SUGCT: variants seen among roughly 807,000 people sequenced by gnomAD.
SUGCT encodes the protein succinyl-CoA:glutarate CoA-transferase.
A neutral mutation model predicts 55.0 loss-of-function variants in SUGCT; 41 were observed. That is an observed-to-expected ratio of 0.74 (90% CI 0.58 to 0.97). SUGCT has a LOEUF of 0.97. SUGCT is among the 50% of genes least tolerant of loss of function. The probability of loss-of-function intolerance (pLI) is 0.00; values close to 1 mark genes in which losing one functional copy is unlikely to be tolerated. For missense variants in SUGCT, 568 were observed against 547.8 expected, an observed-to-expected ratio of 1.04 and a Z score of -0.37; for synonymous variants, 187 against 200.4, an observed-to-expected ratio of 0.93 and a Z score of 0.56.
rs115414235 is a variant in SUGCT at position 40,533,178 on chromosome 7, A to T, written c.1089+36792A>T. Among the ~76,000 whole-genome samples the T allele has an allele frequency of 3.8e-3, 584 of 152,288 alleles. 2 individuals are homozygous for T. The highest frequency in any genetic ancestry group is 0.013 in the African/African-American group (555 of 41,574). ...TAAAGGTGATACAATAATAAATAAA[A>T]TTTAATTATGTGTTGACCAATGAAA... On this transcript the variant is annotated intron_variant, in intron 12 of 13. Coordinates refer to ENST00000335693, the MANE Select transcript of SUGCT (RefSeq NM_001193313.2).
intron 9 of SUGCT, among the ~76,000 whole-genome samples, chr7:40,408,326 C>G (rs1786491995): frequency 6.6e-6 from 1 of 152,032 alleles, no homozygotes; most frequent in Non-Finnish European, 1.5e-5. Context: ...CATTTGAACA[C>G]TTTTGTTCCT....
intron 12 of SUGCT, among the ~76,000 whole-genome samples, chr7:40,675,806 A>T (rs747349085): frequency 3.3e-5 from 5 of 152,112 alleles, no homozygotes; most frequent in Non-Finnish European, 5.9e-5. Flanking sequence ...CTGCTGGGAG[A>T]TGGGGCTGGA....
intron 9 of SUGCT, among the ~76,000 whole-genome samples, chr7:40,358,056 A>T (rs1797964064): frequency 6.6e-6 from 1 of 152,262 alleles, no homozygotes; most frequent in Non-Finnish European, 1.5e-5. Context: ...ATAGATGCCC[A>T]ATAAGTAGTT....
intron 12 of SUGCT, among the ~76,000 whole-genome samples, chr7:40,619,445 TC>T (rs1276245848): frequency 1.3e-5 from 2 of 152,216 alleles, no homozygotes; most frequent in African/African-American, 2.4e-5. Context: ...TTTGTTTTTT[TC>T]CTTCATCTAG....
chr7:40,392,019 C>A (rs1295918521), intron 9 of SUGCT, among the ~76,000 whole-genome samples: 2 of 152,152 alleles, frequency 1.3e-5, no homozygotes, highest in Admixed American at 6.6e-5. Flanking sequence ...TCATTCTGAG[C>A]AAACTATTGC....
At chr7:40,565,836 A>G (rs1292871829) in intron 12 of SUGCT, among the ~76,000 whole-genome samples, 1 of 152,080 alleles carries the variant, frequency 6.6e-6, no homozygotes, top group Non-Finnish European at 1.5e-5. Flanking sequence ...TATTCTTTTT[A>G]CAGACATCCT....
At chr7:41,008,347 C>A in the SUGCT span, among the ~76,000 whole-genome samples, 9 of 152,234 alleles carry the variant, frequency 5.9e-5, no homozygotes, top group African/African-American at 2.2e-4. Context: ...CAGGTCTCCA[C>A]TCGGTGGAGC....
In SUGCT at chr7:40,459,218, T is replaced by A; in HGVS notation, c.986+20T>A. On this transcript the variant is annotated intron_variant, in intron 11 of 13. Transcript: ENST00000335693. ...TGAACGGTAAGTTTGGATGTTGTAT[T>A]CATCCATTTAAGAATTAATATGTGA... is the stretch of plus-strand genomic sequence containing the variant. 1 of 1,454,820 alleles carries A rather than the reference T, an allele frequency of 6.9e-7. No homozygotes were observed. The highest frequency in any genetic ancestry group is 9.6e-7 in the Non-Finnish European group (1 of 1,043,006). The allele number at this position is 1,454,820 out of a possible 1,614,324, so 90.1% of individuals were successfully genotyped here. A position where few individuals can be genotyped will look rare whatever the true frequency, so the allele number is the denominator to read the frequency against.
At chr7:40,471,344 A>T (rs959674438) in intron 11 of SUGCT, among the ~76,000 whole-genome samples, 2 of 151,524 alleles carry the variant, frequency 1.3e-5, no homozygotes, top group African/African-American at 4.8e-5. Flanking sequence ...CTAAATATAA[A>T]ATTAAAATAA....
chr7:40,295,859 A>G (rs1327535126), intron 8 of SUGCT, among the ~76,000 whole-genome samples: 1 of 152,098 alleles, frequency 6.6e-6, no homozygotes. Context: ...CTCCTCTACC[A>G]TATGCTTAAT....
intron 12 of SUGCT, among the ~76,000 whole-genome samples, chr7:40,715,468 C>T (rs1785971510): frequency 6.6e-6 from 1 of 152,148 alleles, no homozygotes; most frequent in Non-Finnish European, 1.5e-5. Context: ...CATGCTCCAT[C>T]CATCAGTTGC....
chr7:40,578,706 C>G (rs1796911877), intron 12 of SUGCT, among the ~76,000 whole-genome samples: 1 of 152,160 alleles, frequency 6.6e-6, no homozygotes, highest in Admixed American at 6.5e-5. Context: ...AGGCGATTCT[C>G]TTAGGCACTC....
At chr7:40,524,248 A>G (rs1204275722) in intron 12 of SUGCT, among the ~76,000 whole-genome samples, 1 of 152,160 alleles carries the variant, frequency 6.6e-6, no homozygotes, top group Non-Finnish European at 1.5e-5. Flanking sequence ...CTGGCTTAGT[A>G]AACTCATATT....
chr7:40,237,600 T>C (rs750917974), intron 6 of SUGCT, 35 bp from the exon 7 acceptor site: 2 of 1,523,522 alleles, frequency 1.3e-6, no homozygotes, highest in Admixed American at 3.3e-5. Flanking sequence ...GCACACCCTG[T>C]GTGGTGCTGA....
intron 13 of SUGCT, among the ~76,000 whole-genome samples, chr7:40,850,558 A>T (rs974441744): frequency 6.6e-6 from 1 of 152,178 alleles, no homozygotes; most frequent in Non-Finnish European, 1.5e-5. Context: ...TGTACTTATA[A>T]AGAGTGTGGC....
intron 10 of SUGCT, among the ~76,000 whole-genome samples, chr7:40,451,085 GT>G (rs1447191185): frequency 1.3e-5 from 2 of 152,154 alleles, no homozygotes; most frequent in Non-Finnish European, 2.9e-5. Context: ...AACGGTCAAT[GT>G]TAAAAATATG....
the SUGCT span, among the ~76,000 whole-genome samples, chr7:40,960,289 A>G: frequency 6.6e-6 from 1 of 152,212 alleles, no homozygotes; most frequent in African/African-American, 2.4e-5. Flanking sequence ...ATAGTGAAAC[A>G]ATGAGAGTTG....
chr7:41,009,634 C>A, the SUGCT span, among the ~76,000 whole-genome samples: 1 of 151,660 alleles, frequency 6.6e-6, no homozygotes, highest in South Asian at 2.1e-4. Flanking sequence ...ATCCACCCTT[C>A]CTTCCATCCA....
At chr7:40,984,803 G>A in the SUGCT span, among the ~76,000 whole-genome samples, 14 of 152,112 alleles carry the variant, frequency 9.2e-5, no homozygotes, top group African/African-American at 2.2e-4. Context: ...TTTTGGTATC[G>A]TGCAGCCTTC....
Sources: allele counts gnomAD v4.1 joint callset (sites outside exome capture counted in the v4.1 genomes callset), GRCh38; gene constraint gnomAD v4.1.1; transcripts MANE v1.5; gene names NCBI Gene and HGNC (gene_info 2026-07-23, HGNC 2026-07-21).